The following MAP4K3 variants were observed in gnomAD, a reference collection of about 807,000 sequenced individuals.
The protein encoded by MAP4K3 is MAPK/ERK kinase kinase kinase 3.
Under a neutral mutation model 143.5 loss-of-function variants are expected in MAP4K3, and 94 were observed. The observed-to-expected ratio is 0.65, with a 90% CI of 0.55 to 0.78. MAP4K3 has a LOEUF of 0.78. Among genes scored for constraint, MAP4K3 ranks in the 30% least tolerant of loss-of-function variants. The probability of loss-of-function intolerance (pLI) is 0.00; values close to 1 mark genes in which losing one functional copy is unlikely to be tolerated. For missense variants in MAP4K3, 1,077 were observed against 1,068.1 expected (o/e 1.01, Z -0.12); for synonymous variants, 416 against 347.2 (o/e 1.20, Z -2.20).
rs753021330 is a variant in MAP4K3, at chr2:39,286,897, T to G, written c.1542A>C (p.Glu514Asp). Residue 514 changes from glutamate to aspartate, a missense_variant, in exon 21 of 34, where the codon GAA (glutamate) becomes GAC (aspartate). Glu to Asp is a conservative substitution (Grantham distance 45, BLOSUM62 2). Around this residue, in one of 2 missense-constraint regions of MAP4K3, gnomAD observed 864 missense variants for 801.2 expected, o/e 1.08. Coordinates refer to ENST00000263881, the MANE Select transcript of MAP4K3 (RefSeq NM_003618.4). ...TTCTTGAAAGGTTTGTGCCTCTATG[T>G]TCATTCTGTTGTTGACATAATGAGC... ...RDGSLCQQQNEHRGTNLSRKE... is the reference protein window; with the variant it reads ...RDGSLCQQQNDHRGTNLSRKE... 1 of 1,610,814 alleles carries G rather than the reference T, an allele frequency of 6.2e-7. No individual in the cohort carries two copies. Among genetic ancestry groups the G allele is most frequent in the Non-Finnish European group, 8.5e-7 (1 of 1,179,246 alleles).
At chr2:39,360,938 A>C (rs1464851717) in intron 2 of MAP4K3, among the ~76,000 whole-genome samples, 1 of 152,124 alleles carries the variant, frequency 6.6e-6, no homozygotes. Flanking sequence ...TATATCAACA[A>C]TCAAAACAAT....
At chr2:39,331,161 C>T (rs563418994) in intron 8 of MAP4K3, among the ~76,000 whole-genome samples, 85 of 152,014 alleles carry the variant, frequency 5.6e-4, no homozygotes, top group Non-Finnish European at 6.9e-4. Context: ...ATGAAGAGGG[C>T]ATCAGGGGAG....
At chr2:39,273,550 G>GA (rs1681124745) in intron 24 of MAP4K3, among the ~76,000 whole-genome samples, 1 of 152,074 alleles carries the variant, frequency 6.6e-6, no homozygotes, top group Non-Finnish European at 1.5e-5. Context: ...GGTGAATGAT[G>GA]AAACACATCA....
At chr2:39,289,236 TCTTTA>T (rs1681928436) in intron 19 of MAP4K3, among the ~76,000 whole-genome samples, 1 of 152,208 alleles carries the variant, frequency 6.6e-6, no homozygotes, top group South Asian at 2.1e-4. Context: ...AATTCAGATC[TCTTTA>T]CTTCTGCTAT....
At chr2:39,353,876 C>A (rs752485609) in intron 3 of MAP4K3, among the ~76,000 whole-genome samples, 19 of 152,108 alleles carry the variant, frequency 1.2e-4, no homozygotes, top group Non-Finnish European at 1.8e-4. Flanking sequence ...CCTATCCTGT[C>A]ATGTAGATAT....
At chr2:39,331,008 C>T (rs183198065) in intron 8 of MAP4K3, among the ~76,000 whole-genome samples, 2 of 152,196 alleles carry the variant, frequency 1.3e-5, no homozygotes, top group African/African-American at 4.8e-5. Flanking sequence ...AAGTTTTTCT[C>T]ATATGCCTTT....
At chr2:39,317,946 C>A (rs546545621) in intron 12 of MAP4K3, among the ~76,000 whole-genome samples, 3 of 152,180 alleles carry the variant, frequency 2.0e-5, no homozygotes, top group African/African-American at 4.8e-5. Context: ...AAAACATGCA[C>A]GTTATGTTCA....
rs192211807 is a variant in MAP4K3 at position 39,300,071 on chromosome 2, A to C, written c.1120-270T>G. Reference sequence around the variant, plus strand: ...TGTTACTTTAATTAACTTTTGTAAAAATCAGTTTTTAGAAAGAAAAAAGCT... The same window carrying C: ...TGTTACTTTAATTAACTTTTGTAAACATCAGTTTTTAGAAAGAAAAAAGCT... On this transcript the variant is annotated intron_variant, in intron 15 of 33. Transcript: ENST00000263881. Among the ~76,000 whole-genome samples the C allele has an allele frequency of 2.3e-4, 35 of 152,220 alleles. 1 individual carries two copies. In the South Asian group the frequency reaches 5.0e-3, roughly 22 times the overall value.
chr2:39,410,575 G>C (rs1667208944), intron 1 of MAP4K3, among the ~76,000 whole-genome samples: 1 of 152,096 alleles, frequency 6.6e-6, no homozygotes, highest in Admixed American at 6.5e-5. Flanking sequence ...ACATACACAA[G>C]TGTGTGCAGA....
At chr2:39,328,414 G>A (rs1683567363) in intron 8 of MAP4K3, among the ~76,000 whole-genome samples, 1 of 152,112 alleles carries the variant, frequency 6.6e-6, no homozygotes, top group Non-Finnish European at 1.5e-5. Context: ...CTAAAGATGA[G>A]CCAAAAAACC....
chr2:39,370,625 T>C (rs986944622), intron 2 of MAP4K3, among the ~76,000 whole-genome samples: 1 of 152,226 alleles, frequency 6.6e-6, no homozygotes, highest in Non-Finnish European at 1.5e-5. Context: ...AGCTTTACAA[T>C]TTAACGCATG....
chr2:39,435,047 T>A (rs982485723), intron 1 of MAP4K3, among the ~76,000 whole-genome samples: 2 of 152,252 alleles, frequency 1.3e-5, no homozygotes, highest in East Asian at 3.8e-4. Context: ...CTGTATACCC[T>A]GCCACCTAAA....
intron 28 of MAP4K3, chr2:39,261,036 C>T (rs1305677328): frequency 1.6e-5 from 5 of 305,136 alleles, no homozygotes; most frequent in African/African-American, 1.1e-4. Context: ...CCAACCCTCT[C>T]TTTTCAGAGT....
chr2:39,345,531 T>C (rs553403162), intron 3 of MAP4K3, among the ~76,000 whole-genome samples: 1 of 152,190 alleles, frequency 6.6e-6, no homozygotes, highest in Admixed American at 6.5e-5. Flanking sequence ...GTGGACAAGG[T>C]AGCATACAAA....
chr2:39,434,191 A>G (rs1343330025), intron 1 of MAP4K3, among the ~76,000 whole-genome samples: 2 of 152,270 alleles, frequency 1.3e-5, no homozygotes, highest in African/African-American at 2.4e-5. Context: ...CTGACAAATT[A>G]AGGAACAAAT....
chr2:39,263,472 G>A (rs1170828175), intron 28 of MAP4K3, among the ~76,000 whole-genome samples: 1 of 150,456 alleles, frequency 6.6e-6, no homozygotes, highest in Admixed American at 6.6e-5. Context: ...GTAGAGACGG[G>A]GTTTCACCGT....
chr2:39,392,771 A>C (rs1182798226), intron 1 of MAP4K3, among the ~76,000 whole-genome samples: 1 of 152,162 alleles, frequency 6.6e-6, no homozygotes, highest in Non-Finnish European at 1.5e-5. Flanking sequence ...GTTGGTTATA[A>C]AAGTGAGTTT....
chr2:39,258,392 T>A lies in MAP4K3; in HGVS notation c.2426A>T (p.Lys809Ile). 6.2e-7 allele frequency: 1 copy of A among 1,611,288 alleles called. No homozygotes were observed. Among genetic ancestry groups the A allele is most frequent in the South Asian group, 1.1e-5 (1 of 90,768 alleles). ...NLQGRLKSSR[K>I]LSSELTFDFQ... is the part of the protein sequence containing the mutation. ...ATCAAAGGTGAGTTCTGATGACAATTTCCTGCTAGATTTTAATCTTCCTTG... is the reference window on the plus strand; with the variant it reads ...ATCAAAGGTGAGTTCTGATGACAATATCCTGCTAGATTTTAATCTTCCTTG... The change falls in exon 31 of 34, where the codon AAA (lysine) becomes ATA (isoleucine). Residue 809 changes from lysine to isoleucine, a missense_variant. Around this residue, in one of 2 missense-constraint regions of MAP4K3, gnomAD observed 864 missense variants for 801.2 expected, o/e 1.08. Transcript: ENST00000263881.
At chr2:39,250,756 A>T (rs1305952280) in intron 33 of MAP4K3, 51 bp from the exon 34 acceptor site, 1 of 1,479,598 alleles carries the variant, frequency 6.8e-7, no homozygotes, top group Non-Finnish European at 9.4e-7. Context: ...CTGAAAATTA[A>T]TGTTAGCTCC....
Sources: allele counts gnomAD v4.1 joint callset (sites outside exome capture counted in the v4.1 genomes callset), GRCh38; gene constraint gnomAD v4.1.1; regional missense constraint gnomAD v4.1.1; transcripts MANE v1.5; gene names NCBI Gene and HGNC (gene_info 2026-07-23, HGNC 2026-07-21).